Variants in DRC11 observed in about 807,000 individuals in gnomAD.
DRC11 encodes the protein IQ and AAA domain-containing protein 1.
chr2:236,386,712 A>C, the DRC11 span, among the ~76,000 whole-genome samples: 2 of 148,790 alleles, frequency 1.3e-5, no homozygotes, highest in African/African-American at 4.9e-5. Context: ...TAGCTTTTGA[A>C]TGTGTTTGCT....
At chr2:236,337,306 C>T in the DRC11 span, among the ~76,000 whole-genome samples, 1 of 152,100 alleles carries the variant, frequency 6.6e-6, no homozygotes, top group Non-Finnish European at 1.5e-5. This position sits in a 1 kb window ranked among gnomAD's most constrained non-coding sequence, Gnocchi z 4.9. Flanking sequence ...GCAGAACGGC[C>T]GCCAGCACTC....
chr2:236,430,817 T>C, the DRC11 span, among the ~76,000 whole-genome samples: 2 of 152,244 alleles, frequency 1.3e-5, no homozygotes, highest in Non-Finnish European at 2.9e-5. The surrounding 1 kb of genome is among the most constrained non-coding windows in gnomAD (Gnocchi z 6.0). Flanking sequence ...ATATGCTTGT[T>C]GTCACAGTGC....
At chr2:236,376,926 C>T in the DRC11 span, among the ~76,000 whole-genome samples, 1 of 152,242 alleles carries the variant, frequency 6.6e-6, no homozygotes, top group Non-Finnish European at 1.5e-5. This position sits in a 1 kb window ranked among gnomAD's most constrained non-coding sequence, Gnocchi z 5.7. Context: ...TGTTAGTCCA[C>T]AGCATCCTCT....
chr2:236,356,972 T>TG, the DRC11 span, among the ~76,000 whole-genome samples: 1 of 116,060 alleles, frequency 8.6e-6, no homozygotes, highest in Non-Finnish European at 1.8e-5. Context: ...ATATATATTA[T>TG]ATATTCATAT....
chr2:236,451,827 G>A, the DRC11 span, among the ~76,000 whole-genome samples: 3 of 152,308 alleles, frequency 2.0e-5, no homozygotes, highest in East Asian at 5.8e-4. Context: ...TTAGCTGTGC[G>A]ATTTGGGCAA....
the DRC11 span, among the ~76,000 whole-genome samples, chr2:236,418,408 G>A: frequency 6.6e-6 from 1 of 152,206 alleles, no homozygotes; most frequent in African/African-American, 2.4e-5. Context: ...GATTCCGACT[G>A]GATTTTGGTC....
chr2:236,491,883 T>C, the DRC11 span, among the ~76,000 whole-genome samples: 19 of 152,334 alleles, frequency 1.2e-4, no homozygotes, highest in South Asian at 3.5e-3. Flanking sequence ...AAACTTCATG[T>C]GCTAGAAACT....
the DRC11 span, among the ~76,000 whole-genome samples, chr2:236,475,739 G>A: frequency 5.3e-5 from 8 of 152,056 alleles, no homozygotes; most frequent in African/African-American, 1.7e-4. The surrounding 1 kb of genome is among the most constrained non-coding windows in gnomAD (Gnocchi z 4.8). Flanking sequence ...ACTTTGATTT[G>A]ATTTTGTATA....
chr2:236,482,053 T>A, the DRC11 span, among the ~76,000 whole-genome samples: 2 of 144,954 alleles, frequency 1.4e-5, no homozygotes, highest in Non-Finnish European at 3.0e-5. The surrounding 1 kb of genome is among the most constrained non-coding windows in gnomAD (Gnocchi z 4.5). Flanking sequence ...TAATTCTACA[T>A]ATTATATGTA....
At chr2:236,307,151 G>C in the DRC11 span, among the ~76,000 whole-genome samples, 1 of 152,168 alleles carries the variant, frequency 6.6e-6, no homozygotes, top group African/African-American at 2.4e-5. The surrounding 1 kb of genome is among the most constrained non-coding windows in gnomAD (Gnocchi z 7.0). Flanking sequence ...AAGCAGTCCT[G>C]TCCTTAGGGA....
the DRC11 span, among the ~76,000 whole-genome samples, chr2:236,398,992 ATTT>A: frequency 6.9e-6 from 1 of 144,506 alleles, no homozygotes. The surrounding 1 kb of genome is among the most constrained non-coding windows in gnomAD (Gnocchi z 6.2). Context: ...ACCAAAAGGA[ATTT>A]TTTTTTTTTT....
At chr2:236,397,072 C>T in the DRC11 span, among the ~76,000 whole-genome samples, 2 of 152,192 alleles carry the variant, frequency 1.3e-5, no homozygotes, top group African/African-American at 2.4e-5. The surrounding 1 kb of genome is among the most constrained non-coding windows in gnomAD (Gnocchi z 5.0). Flanking sequence ...GCATGAGTGC[C>T]GGAGGTGGAG....
At chr2:236,309,222 G>A in the DRC11 span, among the ~76,000 whole-genome samples, 1 of 152,194 alleles carries the variant, frequency 6.6e-6, no homozygotes, top group Non-Finnish European at 1.5e-5. The surrounding 1 kb of genome is among the most constrained non-coding windows in gnomAD (Gnocchi z 5.7). Context: ...GCTGTGCCCT[G>A]GCCCTGTCAG....
the DRC11 span, among the ~76,000 whole-genome samples, chr2:236,334,771 G>A: frequency 1.3e-5 from 2 of 152,124 alleles, no homozygotes; most frequent in African/African-American, 4.8e-5. The surrounding 1 kb of genome is among the most constrained non-coding windows in gnomAD (Gnocchi z 7.8). Context: ...ACCCTCTGAA[G>A]CCTGGAATTG....
chr2:236,377,619 T>C, the DRC11 span, among the ~76,000 whole-genome samples: 1 of 152,216 alleles, frequency 6.6e-6, no homozygotes, highest in Non-Finnish European at 1.5e-5. This position sits in a 1 kb window ranked among gnomAD's most constrained non-coding sequence, Gnocchi z 4.9. Flanking sequence ...TTAACCCAAT[T>C]GCACAATTGT....
the DRC11 span, chr2:236,338,243 A>G: frequency 1.2e-6 from 2 of 1,613,944 alleles, no homozygotes; most frequent in Non-Finnish European, 1.7e-6. Context: ...CACCAAAATA[A>G]TTTTCTGGTA....
chr2:236,358,561 C>G, the DRC11 span, among the ~76,000 whole-genome samples: 14,127 of 143,726 alleles, frequency 0.098, 1,076 homozygotes, highest in African/African-American at 0.2. Context: ...CCCGCCACCC[C>G]CCAGGTACCA....
chr2:236,491,180 TACAC>T, the DRC11 span, among the ~76,000 whole-genome samples: 16 of 43,702 alleles, frequency 3.7e-4, no homozygotes, highest in African/African-American at 1.5e-3. Flanking sequence ...TATATATATA[TACAC>T]ACAGTATATA....
At chr2:236,320,549 G>A in the DRC11 span, among the ~76,000 whole-genome samples, 67 of 152,270 alleles carry the variant, frequency 4.4e-4, no homozygotes, top group Non-Finnish European at 8.2e-4. Context: ...AGCCCCGACG[G>A]TCTCCGTCTC....
Sources: gnomAD v4.1 joint callset for allele counts (sites outside exome capture counted in the v4.1 genomes callset) on GRCh38, gnomAD v4.1.1 for gene constraint, Gnocchi (gnomAD v3.1) non-coding constraint, MANE v1.5 for transcripts, NCBI Gene and HGNC (gene_info 2026-07-23, HGNC 2026-07-21) for gene names.